TBC1D5: variants seen among roughly 807,000 people sequenced by gnomAD.
TBC1D5 encodes the protein TBC1 domain family, member 5.
TBC1D5 carries 75 observed loss-of-function variants against 100.3 expected under a neutral mutation model. The observed-to-expected ratio is 0.75, with a 90% CI of 0.62 to 0.91. The LOEUF is 0.91. TBC1D5 is among the 40% of genes least tolerant of loss of function. The probability of loss-of-function intolerance (pLI) is 0.00; values close to 1 mark genes in which losing one functional copy is unlikely to be tolerated. For synonymous variants in TBC1D5, 323 were observed against 325.6 expected (o/e 0.99, Z 0.09); for missense variants, 910 against 942.4 (o/e 0.97, Z 0.45).
intron 14 of TBC1D5, among the ~76,000 whole-genome samples, chr3:17,306,971 A>G (rs918921842): frequency 1.3e-5 from 2 of 152,166 alleles, no homozygotes; most frequent in South Asian, 2.1e-4. Context: ...AAACTATTTG[A>G]CCTTCGAGGC....
chr3:17,503,597 T>C (rs1448141076), intron 3 of TBC1D5, among the ~76,000 whole-genome samples: 1 of 149,754 alleles, frequency 6.7e-6, no homozygotes, highest in Non-Finnish European at 1.5e-5. Flanking sequence ...CGATAGTTAC[T>C]GGTTCTATCA....
At chr3:17,387,945 T>C (rs73156356) in intron 8 of TBC1D5, among the ~76,000 whole-genome samples, 13,662 of 151,860 alleles carry the variant, frequency 0.09, 1,416 homozygotes, top group African/African-American at 0.26. Context: ...AAAAATCACA[T>C]TAAGTAGGAA....
chr3:17,309,015 T>C (rs2083699822), intron 13 of TBC1D5, among the ~76,000 whole-genome samples: 1 of 152,098 alleles, frequency 6.6e-6, no homozygotes, highest in Non-Finnish European at 1.5e-5. Context: ...CATAAGTCTT[T>C]TTCTAAGGAC....
chr3:17,695,437 G>A (rs1333968367), intron 1 of TBC1D5, among the ~76,000 whole-genome samples: 1 of 151,970 alleles, frequency 6.6e-6, no homozygotes, highest in Non-Finnish European at 1.5e-5. Flanking sequence ...AAAAAGCAGG[G>A]GTTGCAATCC....
chr3:17,350,885 A>C (rs538268994), intron 13 of TBC1D5, among the ~76,000 whole-genome samples: 1 of 152,172 alleles, frequency 6.6e-6, no homozygotes, highest in Non-Finnish European at 1.5e-5. Flanking sequence ...TTTCAGATAC[A>C]ATCATGCAGT....
intron 1 of TBC1D5, among the ~76,000 whole-genome samples, chr3:17,641,721 G>C (rs947901019): frequency 1.4e-4 from 21 of 151,954 alleles, no homozygotes; most frequent in Admixed American, 1.2e-3. Flanking sequence ...TACACAGTTT[G>C]CTGGAATATT....
chr3:17,727,515 G>A (rs572050926), intron 1 of TBC1D5, among the ~76,000 whole-genome samples: 1 of 152,250 alleles, frequency 6.6e-6, no homozygotes, highest in South Asian at 2.1e-4. Context: ...AATAACAAAA[G>A]CAGAAATCAC....
At chr3:17,354,047 TA>T (rs533471564) in intron 13 of TBC1D5, among the ~76,000 whole-genome samples, 1 of 151,936 alleles carries the variant, frequency 6.6e-6, no homozygotes, top group African/African-American at 2.4e-5. Flanking sequence ...AATATGTACA[TA>T]AAAAAAGACA....
intron 3 of TBC1D5, among the ~76,000 whole-genome samples, chr3:17,506,695 T>G (rs943008918): frequency 5.3e-5 from 8 of 152,186 alleles, no homozygotes; most frequent in African/African-American, 1.9e-4. Context: ...GAAAAGCCTT[T>G]TTAGTAAAGG....
chr3:17,699,381 T>C (rs1258504948), intron 1 of TBC1D5, among the ~76,000 whole-genome samples: 2 of 108,252 alleles, frequency 1.8e-5, no homozygotes, highest in Admixed American at 1.1e-4. Flanking sequence ...CATCACACTC[T>C]GGGGACTGTT....
intron 4 of TBC1D5, among the ~76,000 whole-genome samples, chr3:17,421,093 C>A (rs73161409): frequency 1.3e-5 from 2 of 152,002 alleles, no homozygotes; most frequent in Non-Finnish European, 2.9e-5. Flanking sequence ...TAGAGGGTAA[C>A]ATTTTTTCAA....
At chr3:17,568,158 T>C (rs1415216142) in intron 2 of TBC1D5, among the ~76,000 whole-genome samples, 1 of 151,520 alleles carries the variant, frequency 6.6e-6, no homozygotes, top group Non-Finnish European at 1.5e-5. Context: ...TTAGAACAAA[T>C]GACCCTAACA....
intron 1 of TBC1D5, among the ~76,000 whole-genome samples, chr3:17,676,505 C>T (rs34786175): frequency 0.52 from 78,488 of 151,882 alleles, 22,037 homozygotes; most frequent in East Asian, 0.97. Context: ...TAAAAGAGGA[C>T]ACAAACAAAT....
intron 8 of TBC1D5, among the ~76,000 whole-genome samples, chr3:17,384,456 C>A (rs2152247702): frequency 6.6e-6 from 1 of 152,164 alleles, no homozygotes; most frequent in South Asian, 2.1e-4. Flanking sequence ...ATATAACCAC[C>A]TTATCAGCCT....
intron 13 of TBC1D5, among the ~76,000 whole-genome samples, chr3:17,326,006 G>A (rs17043398): frequency 0.022 from 3,351 of 152,066 alleles, 119 homozygotes; most frequent in African/African-American, 0.075. Flanking sequence ...CAAGTGAGAG[G>A]AAAAAATGGT....
rs1222309989 is a variant in TBC1D5 at position 17,678,666 on chromosome 3, T to TTA, written c.-100-54754_-100-54753insTA. Among the ~76,000 whole-genome samples the TTA allele has an allele frequency of 3.2e-3, 345 of 109,080 alleles. 4 individuals carry two copies. The highest frequency in any genetic ancestry group is 0.014 in the African/African-American group (334 of 23,986). The allele number at this position is 109,080 out of a possible 152,430, so 71.6% of individuals were successfully genotyped here. A position where few individuals can be genotyped will look rare whatever the true frequency, so the allele number is the denominator to read the frequency against. Reference sequence around the variant, plus strand: ...AAGAGAACTGAGGGAAAAAGAGGGATAAAAAAAAAAAAAAAAAAAAACAGG... The same window carrying TTA: ...AAGAGAACTGAGGGAAAAAGAGGGATTAAAAAAAAAAAAAAAAAAAAAACAGG... On this transcript the variant is annotated intron_variant, in intron 1 of 21. Coordinates refer to ENST00000253692, the Ensembl canonical transcript of TBC1D5.
chr3:17,163,008 T>G (rs1238755316), intron 21 of TBC1D5, among the ~76,000 whole-genome samples: 1 of 152,210 alleles, frequency 6.6e-6, no homozygotes, highest in Non-Finnish European at 1.5e-5. Flanking sequence ...CAGGGCCTAG[T>G]TTTTAGAGTG....
chr3:17,689,757 G>C (rs1199731124), intron 1 of TBC1D5, among the ~76,000 whole-genome samples: 1 of 152,124 alleles, frequency 6.6e-6, no homozygotes, highest in East Asian at 1.9e-4. Flanking sequence ...GGGACATTTG[G>C]CAATGTCTAG....
chr3:17,419,298 A>T (rs1253072862), intron 4 of TBC1D5, among the ~76,000 whole-genome samples: 1 of 152,176 alleles, frequency 6.6e-6, no homozygotes. Context: ...AAGCCCCTGT[A>T]ACCAAAGTTC....
Sources: gnomAD v4.1 joint callset for allele counts (sites outside exome capture counted in the v4.1 genomes callset) on GRCh38, gnomAD v4.1.1 for gene constraint, MANE v1.5 for transcripts, NCBI Gene and HGNC (gene_info 2026-07-23, HGNC 2026-07-21) for gene names.